Variants in NANOS3 observed in about 807,000 individuals in gnomAD.
NANOS3 encodes nanos homolog 3.
A neutral mutation model predicts 13.8 loss-of-function variants in NANOS3; 11 were observed. The observed-to-expected ratio is 0.80, with a 90% confidence interval of 0.50 to 1.32. NANOS3 has a LOEUF of 1.32. Ranked by LOEUF, NANOS3 falls within the 40% of genes most tolerant of loss-of-function variation. The pLI is 0.00. For synonymous variants in NANOS3, 119 were observed against 115.4 expected (o/e 1.03, Z -0.20); for missense variants, 221 against 263.8 (o/e 0.84, Z 1.12).
chr19:13,880,308 G>A (rs150647082), intron 1 of NANOS3, 134 bp from the exon 2 acceptor site: 13 of 745,272 alleles, frequency 1.7e-5, no homozygotes, highest in Non-Finnish European at 2.7e-5. Context: ...AGACGTCACG[G>A]GGTCGCTGTC....
At chr19:13,875,933 G>A (rs756944460), upstream of NANOS3, among the ~76,000 whole-genome samples, 2 of 152,268 alleles carry the variant, frequency 1.3e-5, no homozygotes, top group South Asian at 2.1e-4. Flanking sequence ...TCCTGGGACT[G>A]AGCTGAGATC....
chr19:13,877,003 A>C (rs1968526364), upstream of NANOS3, among the ~76,000 whole-genome samples: 1 of 152,172 alleles, frequency 6.6e-6, no homozygotes, highest in Non-Finnish European at 1.5e-5. Flanking sequence ...GCCAGAGGCC[A>C]TACAGCCCTT....
chr19:13,880,623 A>G lies in NANOS3; in HGVS notation c.*120A>G, dbSNP rs1460255490. 3 of 855,174 alleles carry G rather than the reference A, an allele frequency of 3.5e-6. No individual in the cohort carries two copies. Among genetic ancestry groups the G allele is most frequent in the Non-Finnish European group, 5.7e-6 (3 of 524,232 alleles). 53.0% of individuals were successfully genotyped at this position (855,174 alleles called of 1,614,324 possible). ...CCCAGCCTGGGATTGAGCCCTGGGG[A>G]TGACCCGGGGTTGGCAAGGGAAGAG... is the stretch of plus-strand genomic sequence containing the variant. On this transcript the variant is annotated 3_prime_UTR_variant, in exon 2 of 2. Coordinates refer to ENST00000339133, the MANE Select transcript of NANOS3 (RefSeq NM_001098622.3).
rs1346396755 is a variant in NANOS3, at chr19:13,877,199, A to G, written c.-50A>G. ...CAGAAGGAGGGAGCTTAAGCCAGGC[A>G]GGGTTACTTGTCTCTGTGACTCCTT... On this transcript the variant is annotated 5_prime_UTR_variant, in exon 1 of 2. Transcript: ENST00000339133. The G allele has an allele frequency of 2.7e-6, 4 of 1,497,156 alleles. No homozygotes were observed. Among genetic ancestry groups the G allele is most frequent in the Non-Finnish European group, 3.7e-6 (4 of 1,094,126 alleles). 92.7% of individuals were successfully genotyped at this position (1,497,156 alleles called of 1,614,324 possible).
In NANOS3 at chr19:13,877,237, T is replaced by C. The variant is rs375404069; in HGVS notation, c.-12T>C. The C allele has an allele frequency of 6.3e-7, 1 of 1,596,476 alleles. No individual in the cohort carries two copies. Among genetic ancestry groups the C allele is most frequent in the South Asian group, 1.1e-5 (1 of 90,244 alleles). The stretch of plus-strand genomic sequence containing the variant: ...TCTGTGACTCCTTCCGCCTGGCACA[T>C]GCTGCCCAGCTATGGGGACCTTTGA... On this transcript the variant is annotated 5_prime_UTR_variant, in exon 1 of 2. An upstream start codon of the reference 5' UTR is lost. Transcript: ENST00000339133.
upstream of NANOS3, among the ~76,000 whole-genome samples, chr19:13,873,054 T>C (rs1350348518): frequency 6.6e-6 from 1 of 151,606 alleles, no homozygotes; most frequent in Non-Finnish European, 1.5e-5. Context: ...CCGGGGCGTC[T>C]ATAGAGCAGG....
rs1446325561 is a variant in NANOS3, at chr19:13,877,621, C to T, written c.373C>T (p.Arg125Ter). 1 of 1,612,212 alleles carries T rather than the reference C, an allele frequency of 6.2e-7. No homozygotes were observed. Among genetic ancestry groups the T allele is most frequent in the Non-Finnish European group, 8.5e-7 (1 of 1,179,996 alleles). ...CGATRERAHT[R>*]RFCPLTGQGY... ...CGCCACACGTGAGCGCGCCCACACC[C>T]GACGCTTCTGCCCACTTACTGGCCA... The change falls in exon 1 of 2, where the codon CGA (arginine) becomes TGA (stop). Residue 125 changes from arginine to a stop codon, truncating the protein, a stop_gained. Transcript: ENST00000339133. LOFTEE classifies it high-confidence loss of function.
intron 1 of NANOS3, among the ~76,000 whole-genome samples, chr19:13,868,119 C>T (rs930120708): frequency 6.6e-6 from 1 of 151,768 alleles, no homozygotes; most frequent in Non-Finnish European, 1.5e-5. Context: ...AGTGCAGTGA[C>T]ACAATCTCAG....
upstream of NANOS3, among the ~76,000 whole-genome samples, chr19:13,876,970 G>A (rs1024502302): frequency 6.6e-6 from 1 of 152,140 alleles, no homozygotes; most frequent in Non-Finnish European, 1.5e-5. Flanking sequence ...CACACACCCT[G>A]TGTCCTGTAG....
upstream of NANOS3, chr19:13,874,792 C>T: frequency 1.9e-6 from 1 of 533,574 alleles, no homozygotes; most frequent in Non-Finnish European, 3.9e-6. Context: ...GACCCTGAGG[C>T]CTGGAATTGC....
In NANOS3 at chr19:13,877,202, GTTAC is replaced by G; in HGVS notation, c.-44_-41del. The G allele has an allele frequency of 6.6e-7, 1 of 1,519,878 alleles. No homozygotes were observed. Among genetic ancestry groups the G allele is most frequent in the South Asian group, 1.2e-5 (1 of 83,748 alleles). 94.1% of individuals were successfully genotyped at this position (1,519,878 alleles called of 1,614,324 possible). A position where few individuals can be genotyped will look rare whatever the true frequency, so the allele number is the denominator to read the frequency against. ...AAGGAGGGAGCTTAAGCCAGGCAGG[GTTAC>G]TTGTCTCTGTGACTCCTTCCGCCTG... is the stretch of plus-strand genomic sequence containing the variant. On this transcript the variant is annotated 5_prime_UTR_variant, in exon 1 of 2. Transcript: ENST00000339133.
At chr19:13,866,129 G>A (rs1976236044) in intron 1 of NANOS3, among the ~76,000 whole-genome samples, 3 of 152,254 alleles carry the variant, frequency 2.0e-5, no homozygotes, top group African/African-American at 7.2e-5. Context: ...GTATTTACTG[G>A]GGCCAAGGTT....
chr19:13,866,570 A>G (rs150780695), intron 1 of NANOS3, among the ~76,000 whole-genome samples: 2 of 152,320 alleles, frequency 1.3e-5, no homozygotes, highest in Admixed American at 6.5e-5. Flanking sequence ...GTCACCCACA[A>G]GGGCTCGGAC....
rs193028452 is a variant in NANOS3 at position 13,880,260 on chromosome 19, G to C, written c.518-182G>C. ...AATCGGAACTCCTGTGCTTTGTCTC[G>C]GGCTCTGGGTCCCAGCGGGGCCGCC... is the stretch of plus-strand genomic sequence containing the variant. On this transcript the variant is annotated intron_variant, in intron 1 of 1. Transcript: ENST00000339133. Among the ~76,000 whole-genome samples the C allele has an allele frequency of 9.4e-4, 143 of 152,206 alleles. 2 individuals are homozygous for C. The East Asian group carries it at 9.9e-3, about 11-fold the overall frequency.
At chr19:13,876,175 G>T (rs931133097), upstream of NANOS3, among the ~76,000 whole-genome samples, 3 of 152,308 alleles carry the variant, frequency 2.0e-5, no homozygotes, top group East Asian at 3.9e-4. Flanking sequence ...GTCTTACTCT[G>T]TTTCCCAGGC....
In NANOS3 at chr19:13,880,464, T is replaced by G; in HGVS notation, c.540T>G (p.Ser180=). Residue 180 remains serine, a synonymous_variant, in exon 2 of 2, where the codon TCT becomes TCG. Transcript: ENST00000339133. ...TAGGTTTCAGAGGTGCCGGGAAGTC[T>G]GAGCCTTCGCCCTCCTGCTCTCCCT... ...GGAGFRGAGK[S]EPSPSCSPSM... The G allele has an allele frequency of 6.2e-7, 1 of 1,614,026 alleles. No individual in the cohort carries two copies.
chr19:13,875,672 A>G (rs1968494927), upstream of NANOS3, among the ~76,000 whole-genome samples: 1 of 152,014 alleles, frequency 6.6e-6, no homozygotes, highest in Admixed American at 6.6e-5. Context: ...CAGCCTCCCC[A>G]GTAGCCGGAA....
intron 1 of NANOS3, among the ~76,000 whole-genome samples, chr19:13,870,219 A>G (rs1215340146): frequency 6.6e-6 from 1 of 152,030 alleles, no homozygotes; most frequent in Non-Finnish European, 1.5e-5. Flanking sequence ...AGCTGGGACT[A>G]CAGGCGCACA....
At chr19:13,867,763 GAC>G (rs1254118133) in intron 1 of NANOS3, among the ~76,000 whole-genome samples, 1 of 151,940 alleles carries the variant, frequency 6.6e-6, no homozygotes, top group Non-Finnish European at 1.5e-5. Flanking sequence ...TGCACACATG[GAC>G]ACACAGTTGT....
Sources: allele counts gnomAD v4.1 joint callset (sites outside exome capture counted in the v4.1 genomes callset), GRCh38; gene constraint gnomAD v4.1.1; transcripts MANE v1.5; gene names NCBI Gene and HGNC (gene_info 2026-07-23, HGNC 2026-07-21).